The following NLGN4Y variants were observed in gnomAD, a reference collection of about 807,000 sequenced individuals.
The protein encoded by NLGN4Y is neuroligin 4 Y-linked, also known as neuroligin-4, Y-linked.
Under a neutral mutation model 8.4 loss-of-function variants are expected in NLGN4Y, and 4 were observed. The observed-to-expected ratio is 0.48, with a 90% CI of 0.23 to 1.09. The LOEUF (loss-of-function observed/expected upper bound fraction) is 1.09, where lower values mean the gene tolerates loss of function less well. Among genes scored for constraint, NLGN4Y ranks in the 50% least tolerant of loss-of-function variants. The pLI, the probability that NLGN4Y is intolerant of heterozygous loss-of-function variation, is 0.19. For synonymous variants in NLGN4Y, 35 were observed against 75.6 expected (o/e 0.46, Z 2.78); for missense variants, 90 against 192.3 (o/e 0.47, Z 3.15).
intron 1 of NLGN4Y, among the ~76,000 whole-genome samples, chrY:14,620,084 A>T (rs2080503264): frequency 3.0e-5 from 1 of 32,982 alleles, no homozygotes; most frequent in African/African-American, 1.2e-4. Context: ...GAGGCCTTGT[A>T]TCTGGGTGAT....
At chrY:14,643,431 T>C in intron 2 of NLGN4Y, among the ~76,000 whole-genome samples, 1 of 33,259 alleles carries the variant, frequency 3.0e-5, no homozygotes, top group South Asian at 6.7e-4. Context: ...TATTAGCTGC[T>C]GTTGTTGGTT....
chrY:14,701,195 GCACACACA>G (rs371313575), intron 2 of NLGN4Y, among the ~76,000 whole-genome samples: 2 of 22,267 alleles, frequency 9.0e-5, no homozygotes, highest in East Asian at 1.3e-3. Context: ...GCATGCACAC[GCACACACA>G]CACACACACA....
chrY:14,651,906 C>T, intron 2 of NLGN4Y, among the ~76,000 whole-genome samples: 1 of 32,933 alleles, frequency 3.0e-5, no homozygotes, highest in Non-Finnish European at 7.5e-5. Flanking sequence ...TGATTATTGC[C>T]AAATAAGCAG....
At chrY:14,755,131 G>A (rs755034875) in intron 4 of NLGN4Y, among the ~76,000 whole-genome samples, 234 of 32,782 alleles carry the variant, frequency 7.1e-3, no homozygotes, top group African/African-American at 0.027. Flanking sequence ...TGTGTTTGAC[G>A]TGCTTATCAA....
chrY:14,545,746 T>G lies in NLGN4Y; in HGVS notation c.-112+21038T>G, dbSNP rs2080170388. Reference sequence around the variant, plus strand: ...TTTGTAGGTTGCCTGTTCACTCTGATGGTAGTTTCTTTGGCTGTGCAGAAG... The same window carrying G: ...TTTGTAGGTTGCCTGTTCACTCTGAGGGTAGTTTCTTTGGCTGTGCAGAAG... On this transcript the variant is annotated intron_variant, in intron 1 of 6. Coordinates refer to ENST00000684976, the MANE Select transcript of NLGN4Y (RefSeq NM_001365588.1). Among the ~76,000 whole-genome samples, 9 of 33,582 alleles carry G rather than the reference T, an allele frequency of 2.7e-4. No individual in the cohort carries two copies. In the South Asian group the frequency reaches 6.1e-3, roughly 23 times the overall value. The allele number at this position is 33,582 out of a possible 37,273, so 90.1% of individuals were successfully genotyped here. A position where few individuals can be genotyped will look rare whatever the true frequency, so the allele number is the denominator to read the frequency against.
At chrY:14,703,084 G>T in intron 2 of NLGN4Y, among the ~76,000 whole-genome samples, 1 of 33,085 alleles carries the variant, frequency 3.0e-5, no homozygotes, top group Non-Finnish European at 7.4e-5. Flanking sequence ...TGGGTCGATT[G>T]CAAAAATTTT....
At chrY:14,686,037 T>C (rs940699142) in intron 2 of NLGN4Y, among the ~76,000 whole-genome samples, 1 of 32,941 alleles carries the variant, frequency 3.0e-5, no homozygotes, top group Non-Finnish European at 7.5e-5. Context: ...GGGACTTCAA[T>C]GCCAAGGAAT....
chrY:14,563,844 C>A, intron 1 of NLGN4Y, among the ~76,000 whole-genome samples: 1 of 33,176 alleles, frequency 3.0e-5, no homozygotes, highest in Admixed American at 2.7e-4. Context: ...TTATAATATT[C>A]TCTGATGGTA....
intron 2 of NLGN4Y, among the ~76,000 whole-genome samples, chrY:14,668,752 G>A (rs2080700259): frequency 6.2e-5 from 2 of 32,397 alleles, no homozygotes; most frequent in African/African-American, 2.4e-4. Context: ...ATGGCTGGGA[G>A]GCCTCAGGAA....
chrY:14,804,818 G>A (rs2043050737), intron 4 of NLGN4Y, among the ~76,000 whole-genome samples: 1 of 33,126 alleles, frequency 3.0e-5, no homozygotes. Flanking sequence ...TACATCCCTC[G>A]CATGTGCCGT....
intron 4 of NLGN4Y, among the ~76,000 whole-genome samples, chrY:14,788,155 A>G (rs1029560713): frequency 2.9e-5 from 1 of 33,936 alleles, no homozygotes; most frequent in Non-Finnish European, 7.3e-5. Context: ...GAGGATTCAC[A>G]CTGCCTGCAA....
At chrY:14,558,226 A>G (rs2080216098) in intron 1 of NLGN4Y, among the ~76,000 whole-genome samples, 1 of 33,341 alleles carries the variant, frequency 3.0e-5, no homozygotes, top group African/African-American at 1.2e-4. Context: ...ACTTTAACTC[A>G]TCAGGGCTTC....
intron 1 of NLGN4Y, among the ~76,000 whole-genome samples, chrY:14,585,651 C>T: frequency 3.0e-5 from 1 of 33,293 alleles, no homozygotes; most frequent in Non-Finnish European, 7.4e-5. Flanking sequence ...GTCTCAATAT[C>T]AATTATTATT....
At chrY:14,551,195 G>A (rs2080191317) in intron 1 of NLGN4Y, among the ~76,000 whole-genome samples, 3 of 33,437 alleles carry the variant, frequency 9.0e-5, no homozygotes, top group Admixed American at 8.2e-4. Flanking sequence ...ACAAAGAAGG[G>A]CATTACATAA....
chrY:14,815,536 G>A (rs2043098306), intron 4 of NLGN4Y, among the ~76,000 whole-genome samples: 1 of 33,556 alleles, frequency 3.0e-5, no homozygotes, highest in Non-Finnish European at 7.4e-5. Context: ...GGTTGAAGTT[G>A]TAGAGTATTA....
intron 2 of NLGN4Y, among the ~76,000 whole-genome samples, chrY:14,663,968 G>A: frequency 6.2e-5 from 2 of 32,019 alleles, no homozygotes; most frequent in African/African-American, 1.2e-4. Flanking sequence ...GGATGTGATC[G>A]ATCTCTAGTC....
intron 1 of NLGN4Y, among the ~76,000 whole-genome samples, chrY:14,592,602 T>G: frequency 3.1e-5 from 1 of 32,281 alleles, no homozygotes; most frequent in Non-Finnish European, 7.5e-5. Flanking sequence ...CCATGTTAAC[T>G]GCAATGGGAG....
chrY:14,561,240 C>A, intron 1 of NLGN4Y, among the ~76,000 whole-genome samples: 1 of 32,136 alleles, frequency 3.1e-5, no homozygotes. Flanking sequence ...TAGGCCCTAC[C>A]CATTGACAGG....
intron 2 of NLGN4Y, among the ~76,000 whole-genome samples, chrY:14,627,541 T>G: frequency 2.9e-5 from 1 of 34,941 alleles, no homozygotes; most frequent in Non-Finnish European, 7.3e-5. Flanking sequence ...GCCCGAGTGC[T>G]AAGCCCCTTT....
Sources: gnomAD v4.1 joint callset for allele counts (sites outside exome capture counted in the v4.1 genomes callset) on GRCh38, gnomAD v4.1.1 for gene constraint, MANE v1.5 for transcripts, NCBI Gene and HGNC (gene_info 2026-07-23, HGNC 2026-07-21) for gene names.